FLNB: variants seen among roughly 807,000 people sequenced by gnomAD.
FLNB encodes the protein filamin B.
In FLNB, 111 loss-of-function variants were observed where a neutral mutation model predicts 250.6. That is an observed-to-expected ratio of 0.44 (90% CI 0.38 to 0.52). The LOEUF (loss-of-function observed/expected upper bound fraction) is 0.52, where lower values mean the gene tolerates loss of function less well. Among genes scored for constraint, FLNB ranks in the 20% least tolerant of loss-of-function variants. The pLI is 0.00. For missense variants in FLNB, 2,869 were observed against 3,447.8 expected (o/e 0.83, Z 4.20); for synonymous variants, 1,302 against 1,372.1 (o/e 0.95, Z 1.13).
chr3:58,148,424 C>T, intron 35 of FLNB, 60 bp downstream of exon 35: 1 of 1,558,472 alleles, frequency 6.4e-7, no homozygotes, highest in Non-Finnish European at 8.7e-7. Context: ...GATGGGGACT[C>T]TTGCAGTCCT....
At chr3:58,167,012 C>T (rs2097371822) in intron 43 of FLNB, among the ~76,000 whole-genome samples, 1 of 152,062 alleles carries the variant, frequency 6.6e-6, no homozygotes, top group South Asian at 2.1e-4. Flanking sequence ...CCTGTAATCC[C>T]AGCTAATCAG....
intron 10 of FLNB, among the ~76,000 whole-genome samples, chr3:58,104,764 TCA>T (rs1316257912): frequency 6.6e-6 from 1 of 152,216 alleles, no homozygotes; most frequent in Admixed American, 6.5e-5. Context: ...GTGGACTCTC[TCA>T]CTTTCCAGGG....
chr3:58,146,317 T>G (rs918421683), intron 33 of FLNB, among the ~76,000 whole-genome samples: 2 of 152,256 alleles, frequency 1.3e-5, no homozygotes, highest in Admixed American at 6.5e-5. Flanking sequence ...GTGTTTTGGT[T>G]GGTGATGTTT....
chr3:58,031,399 C>T (rs972944017), intron 1 of FLNB, among the ~76,000 whole-genome samples: 5 of 151,312 alleles, frequency 3.3e-5, no homozygotes, highest in Admixed American at 2.6e-4. Flanking sequence ...CCCGCCACCA[C>T]GCCTGGCTAA....
chr3:58,030,096 A>T (rs150470693), intron 1 of FLNB, among the ~76,000 whole-genome samples: 1,567 of 152,296 alleles, frequency 0.01, 13 homozygotes, highest in Non-Finnish European at 0.016. Flanking sequence ...GGCAAAGGAG[A>T]TATCAGGTTT....
intron 1 of FLNB, among the ~76,000 whole-genome samples, chr3:58,039,281 T>G (rs1430228612): frequency 1.3e-5 from 2 of 151,062 alleles, no homozygotes; most frequent in Non-Finnish European, 2.9e-5. Flanking sequence ...GTTTGTTAAT[T>G]ACTTCTCGTT....
chr3:58,083,328 C>T (rs1270542862), intron 4 of FLNB, among the ~76,000 whole-genome samples: 1 of 145,172 alleles, frequency 6.9e-6, no homozygotes, highest in African/African-American at 2.5e-5. Flanking sequence ...CAAATGTTCC[C>T]TTTGAATAAA....
chr3:58,101,093 C>T (rs530247923), intron 8 of FLNB, among the ~76,000 whole-genome samples: 3 of 152,246 alleles, frequency 2.0e-5, no homozygotes, highest in South Asian at 2.1e-4. Flanking sequence ...AAAGTGCCAC[C>T]GTAAGCTTAT....
intron 4 of FLNB, among the ~76,000 whole-genome samples, chr3:58,085,358 G>T (rs946996314): frequency 1.3e-5 from 2 of 152,232 alleles, no homozygotes; most frequent in Admixed American, 6.5e-5. Flanking sequence ...CTGTCATGTG[G>T]TTAGATGAAA....
In FLNB at chr3:58,132,857, AG is replaced by A; in HGVS notation, c.4441del (p.Val1481Ter). 2 of 1,614,068 alleles carry A rather than the reference AG, an allele frequency of 1.2e-6. No homozygotes were observed. Among genetic ancestry groups the A allele is most frequent in the Non-Finnish European group, 1.7e-6 (2 of 1,179,976 alleles). Reference protein sequence around the residue: ...VVDNGDGTHTVTYTPSQEGPY... With the variant: ...VVDNGDGTHTXTYTPSQEGPY... The stretch of plus-strand genomic sequence containing the variant: ...TGGACAATGGAGATGGCACACACAC[AG>A]TAACCTACACCCCATCTCAGGAGGG... On this transcript the variant is annotated frameshift_variant, in exon 26 of 46. Transcript: ENST00000295956. LOFTEE classifies it high-confidence loss of function.
intron 16 of FLNB, among the ~76,000 whole-genome samples, chr3:58,111,348 C>T (rs2097268301): frequency 6.6e-6 from 1 of 152,214 alleles, no homozygotes; most frequent in Admixed American, 6.5e-5. Flanking sequence ...TGCCTTTATT[C>T]CAATAGTCTG....
At chr3:58,080,027 C>A (rs1337738054) in intron 3 of FLNB, among the ~76,000 whole-genome samples, 3 of 152,190 alleles carry the variant, frequency 2.0e-5, no homozygotes, top group African/African-American at 7.2e-5. Flanking sequence ...TTTTTCATCT[C>A]CGCTTAAACC....
intron 4 of FLNB, among the ~76,000 whole-genome samples, chr3:58,092,607 C>G (rs1050825518): frequency 1.3e-5 from 2 of 152,176 alleles, no homozygotes; most frequent in African/African-American, 4.8e-5. Flanking sequence ...AATTGTGCCA[C>G]TGTGCTCCAG....
chr3:58,026,979 G>A (rs1215992703), intron 1 of FLNB, among the ~76,000 whole-genome samples: 3 of 152,076 alleles, frequency 2.0e-5, no homozygotes, highest in Non-Finnish European at 4.4e-5. Flanking sequence ...CTTGCACAAC[G>A]GCTTTTGTTT....
In FLNB at chr3:58,108,423, C is replaced by T. The variant is rs955539931; in HGVS notation, c.1942-35C>T. The stretch of plus-strand genomic sequence containing the variant: ...GTATAAGGGTTTAGTTGGGGCATTA[C>T]ACAGAAAGAGACTTACTATCTGCCT... On this transcript the variant is annotated intron_variant, in intron 12 of 45. Transcript: ENST00000295956. The T allele has an allele frequency of 2.9e-6, 4 of 1,390,552 alleles. No homozygotes were observed. The South Asian group carries it at 4.7e-5, about 16-fold the overall frequency. The allele number at this position is 1,390,552 out of a possible 1,614,324, so 86.1% of individuals were successfully genotyped here. A position where few individuals can be genotyped will look rare whatever the true frequency, so the allele number is the denominator to read the frequency against.
intron 1 of FLNB, among the ~76,000 whole-genome samples, chr3:58,009,193 C>T (rs978691116): frequency 2.0e-5 from 3 of 152,170 alleles, no homozygotes; most frequent in African/African-American, 7.2e-5. Flanking sequence ...ACTAGAAACC[C>T]TCGTTCGCTG....
At chr3:58,046,182 T>A (rs2097153825) in intron 1 of FLNB, among the ~76,000 whole-genome samples, 1 of 152,052 alleles carries the variant, frequency 6.6e-6, no homozygotes, top group Non-Finnish European at 1.5e-5. Flanking sequence ...TGGGCTGGGC[T>A]AGAACCTGGG....
intron 24 of FLNB, among the ~76,000 whole-genome samples, chr3:58,129,369 A>C (rs758280603): frequency 2.0e-5 from 3 of 151,976 alleles, no homozygotes; most frequent in Non-Finnish European, 4.4e-5. Flanking sequence ...AGTTTATCTT[A>C]CCCGGGTTTG....
At chr3:58,131,472 A>T (rs2097307292) in intron 25 of FLNB, among the ~76,000 whole-genome samples, 1 of 152,186 alleles carries the variant, frequency 6.6e-6, no homozygotes, top group Non-Finnish European at 1.5e-5. Flanking sequence ...CCATATAGGG[A>T]CAAAGCCCTG....
Sources: gnomAD v4.1 joint callset for allele counts (sites outside exome capture counted in the v4.1 genomes callset) on GRCh38, gnomAD v4.1.1 for gene constraint, MANE v1.5 for transcripts, NCBI Gene and HGNC (gene_info 2026-07-23, HGNC 2026-07-21) for gene names.